Variants in HTT-AS observed in about 807,000 individuals in gnomAD.
HTT-AS encodes the protein HTT antisense RNA (head to head).
chr4:3,058,344 T>A (rs900279061), intron 2 of HTT-AS, among the ~76,000 whole-genome samples: 7 of 149,768 alleles, frequency 4.7e-5, no homozygotes, highest in African/African-American at 1.2e-4. Flanking sequence ...AAAAAAAAAA[T>A]AGAACATATA....
At chr4:3,052,958 T>C (rs1711734323) in intron 2 of HTT-AS, among the ~76,000 whole-genome samples, 1 of 151,830 alleles carries the variant, frequency 6.6e-6, no homozygotes, top group Non-Finnish European at 1.5e-5. Flanking sequence ...ATGGTGCCAC[T>C]GCACTCCAGC....
At chr4:3,072,848 G>A (rs934402147) in intron 1 of HTT-AS, among the ~76,000 whole-genome samples, 1 of 152,174 alleles carries the variant, frequency 6.6e-6, no homozygotes. Context: ...GGCTGGTCTC[G>A]AACTCCTGAC....
chr4:3,051,135 C>T (rs1003264278), intron 2 of HTT-AS, among the ~76,000 whole-genome samples: 6 of 150,880 alleles, frequency 4.0e-5, no homozygotes, highest in African/African-American at 9.8e-5. Flanking sequence ...GACAGGATCT[C>T]GGCTACCGCA....
At chr4:3,068,573 T>A (rs1318180753) in intron 1 of HTT-AS, among the ~76,000 whole-genome samples, 1 of 151,330 alleles carries the variant, frequency 6.6e-6, no homozygotes, top group Non-Finnish European at 1.5e-5. Flanking sequence ...AAATGGAAAA[T>A]TCGGGGGCCA....
Position 3,051,030 on chromosome 4 carries a change from T to TTGTGTGTGTG in HTT-AS, n.1381-1342_1381-1333dup, listed in dbSNP as rs59615689. ...TAAACCTTTTATAATCCCTTACAAT[T>TTGTGTGTGTG]TGTGTGTGTGTGTGTGTGTGTGTGT... On this transcript the variant is annotated intron_variant and non_coding_transcript_variant, in intron 2 of 2. Coordinates refer to ENST00000664062, the Ensembl canonical transcript of HTT-AS. Among the ~76,000 whole-genome samples the TTGTGTGTGTG allele has an allele frequency of 9.1e-3, 1,116 of 122,522 alleles. 20 individuals carry two copies. Among genetic ancestry groups the TTGTGTGTGTG allele is most frequent in the East Asian group, 0.028 (110 of 3,924 alleles). 80.4% of individuals were successfully genotyped at this position (122,522 alleles called of 152,430 possible). A position where few individuals can be genotyped will look rare whatever the true frequency, so the allele number is the denominator to read the frequency against.
intron 2 of HTT-AS, among the ~76,000 whole-genome samples, chr4:3,055,742 GA>G (rs1711793190): frequency 6.6e-6 from 1 of 152,078 alleles, no homozygotes; most frequent in South Asian, 2.1e-4. Context: ...TTTAGCCAAT[GA>G]TTTTTTCCTA....
At chr4:3,046,825 T>G (rs1013750265), downstream of HTT-AS, among the ~76,000 whole-genome samples, 5 of 152,202 alleles carry the variant, frequency 3.3e-5, no homozygotes, top group Non-Finnish European at 5.9e-5. Flanking sequence ...TTTGTTTGGC[T>G]TAGTCTGTTG....
intron 2 of HTT-AS, among the ~76,000 whole-genome samples, chr4:3,052,754 C>T (rs373303386): frequency 1.6e-4 from 24 of 151,960 alleles, no homozygotes; most frequent in African/African-American, 5.5e-4. Flanking sequence ...TTTGAGAGGC[C>T]GAGGTGGGTG....
intron 2 of HTT-AS, among the ~76,000 whole-genome samples, chr4:3,059,905 CT>C (rs1711892218): frequency 6.9e-6 from 1 of 144,926 alleles, no homozygotes; most frequent in South Asian, 2.2e-4. Context: ...GCTTTAACAT[CT>C]TTGTCCCTGT....
intron 1 of HTT-AS, among the ~76,000 whole-genome samples, chr4:3,065,347 T>G (rs61791254): frequency 0.055 from 8,308 of 151,984 alleles, 254 homozygotes; most frequent in South Asian, 0.075. Context: ...TTCAAGCGAT[T>G]CTCCTGCCTC....
chr4:3,062,224 T>C (rs1234037952), intron 2 of HTT-AS, among the ~76,000 whole-genome samples: 2 of 151,848 alleles, frequency 1.3e-5, no homozygotes, highest in African/African-American at 4.8e-5. Context: ...AGGAATAGGG[T>C]CTCACTATGT....
At chr4:3,049,809 C>A (rs1037108838) in intron 2 of HTT-AS, among the ~76,000 whole-genome samples, 2 of 151,850 alleles carry the variant, frequency 1.3e-5, no homozygotes, top group Non-Finnish European at 1.5e-5. Context: ...TTATACAACC[C>A]GGAAAACATG....
rs918898068 is a variant in HTT-AS, at chr4:3,057,503, A to G, written n.1380+4931T>C. 1.7e-4 allele frequency among the ~76,000 whole-genome samples: 26 copies of G among 152,366 alleles called. 1 individual carries two copies. Among genetic ancestry groups the G allele is most frequent in the Admixed American group, 4.6e-4 (7 of 15,306 alleles). On this transcript the variant is annotated intron_variant and non_coding_transcript_variant, in intron 2 of 2. Coordinates refer to ENST00000664062, the Ensembl canonical transcript of HTT-AS. The stretch of plus-strand genomic sequence containing the variant: ...AGGGTTCTTGGATCTTGCTCAAGAA[A>G]GAATTCAGACGAGTCCACAGAATAA...
At chr4:3,055,257 C>T (rs1019504449) in intron 2 of HTT-AS, among the ~76,000 whole-genome samples, 6 of 151,528 alleles carry the variant, frequency 4.0e-5, no homozygotes, top group African/African-American at 1.5e-4. Flanking sequence ...GTGATGGCGC[C>T]ACTGCACTCC....
At chr4:3,064,245 GCCA>G (rs1712000056) in intron 1 of HTT-AS, among the ~76,000 whole-genome samples, 1 of 151,992 alleles carries the variant, frequency 6.6e-6, no homozygotes, top group Non-Finnish European at 1.5e-5. Flanking sequence ...ACAGGTGTGT[GCCA>G]CCACATCTGG....
At chr4:3,047,093 T>C (rs1031347976), downstream of HTT-AS, among the ~76,000 whole-genome samples, 186 of 152,246 alleles carry the variant, frequency 1.2e-3, 1 homozygote, top group African/African-American at 4.3e-3. Flanking sequence ...GGGCAGATCA[T>C]GAGGTCAGGA....
chr4:3,049,440 AAG>A (rs1711661072), exon 3 of HTT-AS, among the ~76,000 whole-genome samples: 1 of 152,116 alleles, frequency 6.6e-6, no homozygotes, highest in South Asian at 2.1e-4. Flanking sequence ...AGAAAAAAAA[AAG>A]AGAGTCTCAT....
chr4:3,061,389 T>C (rs1006545923), intron 2 of HTT-AS, among the ~76,000 whole-genome samples: 1 of 152,168 alleles, frequency 6.6e-6, no homozygotes, highest in Non-Finnish European at 1.5e-5. Context: ...AATCAGAATA[T>C]GCGTCTATTG....
chr4:3,051,401 AGTT>A (rs1372727996), intron 2 of HTT-AS, among the ~76,000 whole-genome samples: 2 of 152,064 alleles, frequency 1.3e-5, no homozygotes, highest in African/African-American at 4.8e-5. Context: ...CCATGCAGCC[AGTT>A]GGGTGGCAAC....
Sources: allele counts gnomAD v4.1 joint callset (sites outside exome capture counted in the v4.1 genomes callset), GRCh38; gene constraint gnomAD v4.1.1; transcripts MANE v1.5; gene names NCBI Gene and HGNC (gene_info 2026-07-23, HGNC 2026-07-21).